Variants in DCTN3 observed in about 807,000 individuals in gnomAD.
DCTN3 encodes the protein dynactin 3 (p22).
Under a neutral mutation model 28.4 loss-of-function variants are expected in DCTN3, and 25 were observed. The ratio of observed to expected loss-of-function variants is 0.88; its 90% CI spans 0.64 to 1.23. The LOEUF is 1.23. Ranked by LOEUF, DCTN3 falls within the 50% of genes most tolerant of loss-of-function variation. DCTN3 has a pLI of 0.00. For synonymous variants in DCTN3, 81 were observed against 91.4 expected, an observed-to-expected ratio of 0.89 and a Z score of 0.65; for missense variants, 229 against 232.0, an observed-to-expected ratio of 0.99 and a Z score of 0.08.
intron 1 of DCTN3, 60 bp from the exon 2 acceptor site, chr9:34,618,820 T>G: frequency 7.4e-7 from 1 of 1,343,078 alleles, no homozygotes; most frequent in Non-Finnish European, 1.1e-6. Flanking sequence ...CTTGGAAAAG[T>G]TAAAGAACCC....
At chr9:34,619,885 C>T (rs1213924255) in intron 1 of DCTN3, among the ~76,000 whole-genome samples, 1 of 152,182 alleles carries the variant, frequency 6.6e-6, no homozygotes, top group African/African-American at 2.4e-5. Context: ...ATACCCAGTA[C>T]CCAGTCTCTT....
chr9:34,614,947 C>T (rs1295415620), intron 4 of DCTN3, 179 bp from the exon 5 acceptor site: 5 of 670,952 alleles, frequency 7.5e-6, no homozygotes, highest in Non-Finnish European at 1.3e-5. Context: ...TCCAGTCTTA[C>T]TCCAGGACCC....
chr9:34,614,005 A>G (rs1820363275), intron 6 of DCTN3, 37 bp downstream of exon 6: 3 of 1,605,118 alleles, frequency 1.9e-6, no homozygotes, highest in African/African-American at 1.3e-5. Flanking sequence ...GCTTAGGGAC[A>G]GCACCCATTA....
intron 1 of DCTN3, among the ~76,000 whole-genome samples, chr9:34,619,134 C>G (rs1321603934): frequency 6.6e-6 from 1 of 152,216 alleles, no homozygotes; most frequent in East Asian, 1.9e-4. Context: ...TAGCCCTATC[C>G]CCTCCACATC....
intron 4 of DCTN3, chr9:34,615,141 G>A (rs1820394303): frequency 5.1e-6 from 1 of 196,116 alleles, no homozygotes. Flanking sequence ...GGAACAGGGA[G>A]TCTGAAGATG....
chr9:34,618,878 C>T lies in DCTN3; in HGVS notation c.97-118G>A, dbSNP rs535325727. 3.1e-4 allele frequency: 235 copies of T among 763,452 alleles called. 2 individuals carry two copies. The highest frequency in any genetic ancestry group is 1.6e-3 in the Middle Eastern group (7 of 4,408). The allele number at this position is 763,452 out of a possible 1,614,324, so 47.3% of individuals were successfully genotyped here. A position where few individuals can be genotyped will look rare whatever the true frequency, so the allele number is the denominator to read the frequency against. ...CTGAATCCCAGTAATCTAGGTTGGC[C>T]TCCCTTCTCTAATATTAAAGGAGAT... On this transcript the variant is annotated intron_variant, in intron 1 of 6. Transcript: ENST00000259632.
At chr9:34,619,090 G>A (rs1820491989) in intron 1 of DCTN3, among the ~76,000 whole-genome samples, 1 of 152,206 alleles carries the variant, frequency 6.6e-6, no homozygotes. Flanking sequence ...CCTCATTCAA[G>A]CCTTCATGAC....
intron 5 of DCTN3, chr9:34,614,457 G>T: frequency 1.6e-6 from 1 of 614,636 alleles, no homozygotes; most frequent in Non-Finnish European, 2.8e-6. Flanking sequence ...CCATCCCCAG[G>T]AATTCTTGGG....
chr9:34,618,908 C>T (rs1564088669), intron 1 of DCTN3, 148 bp from the exon 2 acceptor site: 5 of 654,938 alleles, frequency 7.6e-6, no homozygotes, highest in Non-Finnish European at 1.4e-5. Context: ...GGAGATGCAG[C>T]CCCACCTTCC....
rs765479738 is a variant in DCTN3 at position 34,618,695 on chromosome 9, C to T, written c.162G>A (p.Val54=). The change falls in exon 2 of 7, where the codon GTG becomes GTA. Residue 54 remains valine (V), a synonymous_variant. Transcript: ENST00000259632. ...ACTTACTCTTTTTGTAGAGAATCTT[C>T]ACCCTCTCCCTCTTGCTGGAAATGT... ...LGNISSKRER[V]KILYKKIEDL... The T allele has an allele frequency of 1.2e-6, 2 of 1,613,998 alleles. No homozygotes were observed. The highest frequency in any genetic ancestry group is 2.2e-5 in the East Asian group (1 of 44,900).
chr9:34,620,468 T>C lies in DCTN3; in HGVS notation c.-4A>G, dbSNP rs1311315858. The C allele has an allele frequency of 3.2e-6, 5 of 1,549,494 alleles. No individual in the cohort carries two copies. Among genetic ancestry groups the C allele is most frequent in the Non-Finnish European group, 4.4e-6 (5 of 1,147,380 alleles). ...GCAAGTCAGTCAGACCCGCCATCGC[T>C]ACTACCGACCCACCTCGGCCAGGAA... On this transcript the variant is annotated 5_prime_UTR_variant, in exon 1 of 7. Transcript: ENST00000259632.
chr9:34,614,661 G>A (rs199820143), intron 5 of DCTN3, 49 bp downstream of exon 5: 19 of 1,607,688 alleles, frequency 1.2e-5, no homozygotes, highest in Admixed American at 3.3e-5. Context: ...GTTGGGATGA[G>A]GTGCTGCGCC....
chr9:34,613,634 C>A lies in DCTN3; in HGVS notation c.*148G>T. On this transcript the variant is annotated 3_prime_UTR_variant, in exon 7 of 7. Coordinates refer to ENST00000259632, the MANE Select transcript of DCTN3 (RefSeq NM_007234.5). The stretch of plus-strand genomic sequence containing the variant: ...TTGCAAATTGCAAACCTCAGGTAAC[C>A]TGACCTCCAACTTTAGAGCCCAGAG... 9.1e-7 allele frequency: 1 copy of A among 1,095,688 alleles called. No homozygotes were observed. The highest frequency in any genetic ancestry group is 1.6e-5 in the South Asian group (1 of 62,438). 67.9% of individuals were successfully genotyped at this position (1,095,688 alleles called of 1,614,324 possible).
Position 34,618,711 on chromosome 9 carries a change from C to T in DCTN3, c.146G>A (p.Ser49Asn). ...KVQVALGNIS[S>N]KRERVKILYK... ...GAGAATCTTCACCCTCTCCCTCTTG[C>T]TGGAAATGTTCCCCAAAGCCACCTG... Residue 49 changes from serine to asparagine, a missense_variant, in exon 2 of 7, where the codon AGC becomes AAC. Transcript: ENST00000259632. The T allele has an allele frequency of 2.5e-6, 4 of 1,614,172 alleles. No homozygotes were observed. The highest frequency in any genetic ancestry group is 2.5e-6 in the Non-Finnish European group (3 of 1,180,018).
rs976414699 is a variant in DCTN3, at chr9:34,614,642, G to T, written c.411+68C>A. The T allele has an allele frequency of 2.5e-6, 4 of 1,577,046 alleles. No homozygotes were observed. In the African/African-American group the frequency reaches 5.4e-5, roughly 21 times the overall value. Reference sequence around the variant, plus strand: ...GAAAGGCCTGAAGCTGCTTCCCCAGGTGGCATGAGTTGGGATGAGGTGCTG... The same window carrying T: ...GAAAGGCCTGAAGCTGCTTCCCCAGTTGGCATGAGTTGGGATGAGGTGCTG... On this transcript the variant is annotated intron_variant, in intron 5 of 6. Coordinates refer to ENST00000259632, the MANE Select transcript of DCTN3 (RefSeq NM_007234.5).
At chr9:34,614,439 A>G in intron 5 of DCTN3, 1 of 615,728 alleles carries the variant, frequency 1.6e-6, no homozygotes, top group Non-Finnish European at 2.8e-6. Context: ...CCCACAGTCA[A>G]TGACATACCA....
chr9:34,613,853 G>A lies in DCTN3; in HGVS notation c.490C>T (p.Gln164Ter), dbSNP rs750363142. ...YNKTTMLLSKQFVQWDELLCQ... is the reference protein window; with the variant it reads ...YNKTTMLLSK ...AGTAGCTCATCCCACTGCACGAATT[G>A]CTTGGAGAGAAGCATTGTCTGGTTG... The change falls in exon 7 of 7, where the codon CAA becomes TAA. Residue 164 changes from glutamine to a stop codon, truncating the protein, a stop_gained. Coordinates refer to ENST00000259632, the MANE Select transcript of DCTN3 (RefSeq NM_007234.5). LOFTEE classifies it high-confidence loss of function. 9.3e-6 allele frequency: 15 copies of A among 1,614,162 alleles called. No individual in the cohort carries two copies. Among genetic ancestry groups the A allele is most frequent in the Non-Finnish European group, 1.3e-5 (15 of 1,180,018 alleles).
chr9:34,617,784 C>A (rs1170963152), intron 3 of DCTN3, 101 bp downstream of exon 3: 2 of 1,558,700 alleles, frequency 1.3e-6, no homozygotes, highest in Non-Finnish European at 1.7e-6. Context: ...GCATCCAGGG[C>A]TTGTATCCAC....
At chr9:34,614,900 G>T in intron 4 of DCTN3, 132 bp from the exon 5 acceptor site, 2 of 1,097,410 alleles carry the variant, frequency 1.8e-6, no homozygotes, top group Non-Finnish European at 2.6e-6. Context: ...TTCATCGACT[G>T]CTGCAGCTGG....
Sources: gnomAD v4.1 joint callset for allele counts (sites outside exome capture counted in the v4.1 genomes callset) on GRCh38, gnomAD v4.1.1 for gene constraint, MANE v1.5 for transcripts, NCBI Gene and HGNC (gene_info 2026-07-23, HGNC 2026-07-21) for gene names.